Variants in CHRNA7 observed in about 807,000 individuals in gnomAD.
CHRNA7 encodes cholinergic receptor nicotinic alpha 7 subunit.
A neutral mutation model predicts 48.0 loss-of-function variants in CHRNA7; 17 were observed. That is an observed-to-expected ratio of 0.35 (90% CI 0.24 to 0.53). The LOEUF (loss-of-function observed/expected upper bound fraction) is 0.53. CHRNA7 is among the 20% of genes least tolerant of loss of function. CHRNA7 has a pLI of 0.92. For synonymous variants in CHRNA7, 75 were observed against 242.3 expected (o/e 0.31, Z 6.41); for missense variants, 155 against 577.7 (o/e 0.27, Z 7.50).
In CHRNA7 at chr15:32,041,260, TC is replaced by T. The variant is rs770467470; in HGVS notation, c.195+10224del. 2.4e-4 allele frequency among the ~76,000 whole-genome samples: 37 copies of T among 152,326 alleles called. 1 individual carries two copies. The highest frequency in any genetic ancestry group is 3.4e-3 in the Middle Eastern group (1 of 294). ...AAATACTTCTGTTCCTTTCTCTACT[TC>T]AACAGTCCCCAACCTTTTTGACACC... On this transcript the variant is annotated intron_variant, in intron 2 of 9. Transcript: ENST00000306901.
rs574514423 is a variant in CHRNA7 at position 32,034,664 on chromosome 15, A to G, written c.195+3627A>G. 1.3e-5 allele frequency among the ~76,000 whole-genome samples: 2 copies of G among 152,320 alleles called. 1 individual carries two copies. Among genetic ancestry groups the G allele is most frequent in the East Asian group, 3.9e-4 (2 of 5,184 alleles). On this transcript the variant is annotated intron_variant, in intron 2 of 9. Transcript: ENST00000306901. ...AGCTGTAAGACCAGCCTGCCATAGC[A>G]TATTTTCCTAGAAAAGGAAATAGTC...
intron 2 of CHRNA7, chr15:32,098,915 A>C (rs1277431036): frequency 1.5e-5 from 1 of 64,770 alleles, no homozygotes; most frequent in African/African-American, 7.3e-5. Context: ...CACACTTTTT[A>C]TTCTAGGAGC....
chr15:32,040,064 A>G (rs1012454431), intron 2 of CHRNA7, among the ~76,000 whole-genome samples: 6 of 152,120 alleles, frequency 3.9e-5, no homozygotes, highest in Non-Finnish European at 7.4e-5. Flanking sequence ...TTACATAGCT[A>G]TTCCTGCTTT....
intron 2 of CHRNA7, among the ~76,000 whole-genome samples, chr15:32,082,749 G>T (rs2050236133): frequency 6.6e-6 from 1 of 152,020 alleles, no homozygotes; most frequent in Non-Finnish European, 1.5e-5. Context: ...TGATAATATT[G>T]CAAGCCCTAT....
chr15:32,051,403 C>T (rs1046507195), intron 2 of CHRNA7, among the ~76,000 whole-genome samples: 192 of 152,296 alleles, frequency 1.3e-3, no homozygotes, highest in African/African-American at 4.4e-3. Context: ...TGATCTCAGA[C>T]TGCTGTGCTA....
chr15:32,084,861 C>T (rs2050270380), intron 2 of CHRNA7, among the ~76,000 whole-genome samples: 1 of 147,536 alleles, frequency 6.8e-6, no homozygotes, highest in South Asian at 2.1e-4. Context: ...AGACGGAATT[C>T]TGCTCTTGTG....
chr15:32,146,487 C>T (rs919695627), intron 4 of CHRNA7, among the ~76,000 whole-genome samples: 3 of 152,106 alleles, frequency 2.0e-5, no homozygotes, highest in Middle Eastern at 3.4e-3. Context: ...CTTTATAGGC[C>T]ATATCTGTTT....
At chr15:32,106,765 C>T (rs1309759236) in intron 3 of CHRNA7, among the ~76,000 whole-genome samples, 1 of 152,216 alleles carries the variant, frequency 6.6e-6, no homozygotes, top group East Asian at 1.9e-4. Context: ...CATTTGATGT[C>T]CCAGCCTTCC....
intron 4 of CHRNA7, among the ~76,000 whole-genome samples, chr15:32,141,750 T>C (rs1224021101): frequency 1.3e-5 from 2 of 152,344 alleles, no homozygotes; most frequent in Admixed American, 1.3e-4. Context: ...TAGGAATGCT[T>C]GTGATTTTTG....
chr15:32,135,413 G>A (rs978170409), intron 4 of CHRNA7, among the ~76,000 whole-genome samples: 7 of 152,286 alleles, frequency 4.6e-5, no homozygotes, highest in East Asian at 1.9e-4. Context: ...AAGGAATTTC[G>A]AGATGAATTC....
At chr15:32,035,018 G>A (rs1398398859) in intron 2 of CHRNA7, among the ~76,000 whole-genome samples, 1 of 152,176 alleles carries the variant, frequency 6.6e-6, no homozygotes, top group African/African-American at 2.4e-5. Flanking sequence ...AGATTTAAGA[G>A]ATGTTTTGGA....
rs554304769 is a variant in CHRNA7, at chr15:32,124,328, T to C, written c.350+12429T>C. Reference sequence around the variant, plus strand: ...TTTATATTGATTAAAGGAAAATTTATTGAGAAAACAAAGTGCTCATGAATA... The same window carrying C: ...TTTATATTGATTAAAGGAAAATTTACTGAGAAAACAAAGTGCTCATGAATA... On this transcript the variant is annotated intron_variant, in intron 4 of 9. Coordinates refer to ENST00000306901, the MANE Select transcript of CHRNA7 (RefSeq NM_000746.6). Among the ~76,000 whole-genome samples, 15 of 152,308 alleles carry C rather than the reference T, an allele frequency of 9.8e-5. No homozygotes were observed. In the South Asian group the frequency reaches 3.1e-3, roughly 32 times the overall value.
intron 4 of CHRNA7, among the ~76,000 whole-genome samples, chr15:32,146,530 A>T (rs1294172670): frequency 6.6e-6 from 1 of 152,216 alleles, no homozygotes; most frequent in Non-Finnish European, 1.5e-5. Flanking sequence ...ACTGTCTAGA[A>T]AAAATATATC....
chr15:32,092,405 G>T (rs890738063), intron 2 of CHRNA7, among the ~76,000 whole-genome samples: 1 of 151,992 alleles, frequency 6.6e-6, no homozygotes, highest in Non-Finnish European at 1.5e-5. Context: ...TTTTTTCCAG[G>T]CTACTTTGTA....
intron 2 of CHRNA7, among the ~76,000 whole-genome samples, chr15:32,058,423 C>T (rs558542067): frequency 2.0e-5 from 3 of 152,130 alleles, no homozygotes; most frequent in African/African-American, 4.8e-5. Flanking sequence ...TTTCCCTTTC[C>T]GGGGGTGTTT....
chr15:32,059,147 G>T (rs990285311), intron 2 of CHRNA7, among the ~76,000 whole-genome samples: 1 of 152,028 alleles, frequency 6.6e-6, no homozygotes, highest in Non-Finnish European at 1.5e-5. Context: ...GAGACTACAG[G>T]TGCACACCAC....
chr15:32,088,975 T>C (rs1382350433), intron 2 of CHRNA7, among the ~76,000 whole-genome samples: 1 of 152,192 alleles, frequency 6.6e-6, no homozygotes, highest in Non-Finnish European at 1.5e-5. Context: ...TTTGCTGTTG[T>C]ATGAAAAACC....
At chr15:32,101,084 T>C in intron 2 of CHRNA7, 1 of 467,248 alleles carries the variant, frequency 2.1e-6, no homozygotes, top group Non-Finnish European at 3.7e-6. Context: ...CTTTTCCATC[T>C]TTTTTAAGTG....
chr15:32,106,826 C>T (rs900861247), intron 3 of CHRNA7, among the ~76,000 whole-genome samples: 2 of 152,208 alleles, frequency 1.3e-5, no homozygotes, highest in African/African-American at 4.8e-5. Context: ...GTACTAATAG[C>T]ATTCACACCA....
Sources: allele counts gnomAD v4.1 joint callset (sites outside exome capture counted in the v4.1 genomes callset), GRCh38; gene constraint gnomAD v4.1.1; transcripts MANE v1.5; gene names NCBI Gene and HGNC (gene_info 2026-07-23, HGNC 2026-07-21).